The following C1QTNF3 variants were observed in gnomAD, a reference collection of about 807,000 sequenced individuals.
The protein encoded by C1QTNF3 is C1q and TNF related 3.
Under a neutral mutation model 32.6 loss-of-function variants are expected in C1QTNF3, and 26 were observed. That is an observed-to-expected ratio of 0.80 (90% CI 0.58 to 1.11). The LOEUF (loss-of-function observed/expected upper bound fraction) is 1.11, where lower values mean the gene tolerates loss of function less well. Among genes scored for constraint, C1QTNF3 ranks in the 50% least tolerant of loss-of-function variants. C1QTNF3 has a pLI of 0.00. For synonymous variants in C1QTNF3, 155 were observed against 146.0 expected (o/e 1.06, Z -0.44); for missense variants, 362 against 398.2 (o/e 0.91, Z 0.77).
chr5:34,133,876 C>T, the C1QTNF3 span, among the ~76,000 whole-genome samples: 1 of 152,140 alleles, frequency 6.6e-6, no homozygotes, highest in Admixed American at 6.6e-5. Flanking sequence ...GTTCGTTTCA[C>T]GAAAGCAGAA....
At chr5:34,052,322 T>TA in the C1QTNF3 span, among the ~76,000 whole-genome samples, 1 of 152,184 alleles carries the variant, frequency 6.6e-6, no homozygotes, top group Non-Finnish European at 1.5e-5. Context: ...CTTTCCAAAT[T>TA]AAAATTTATA....
chr5:34,194,647 C>T, the C1QTNF3 span, among the ~76,000 whole-genome samples: 17 of 152,228 alleles, frequency 1.1e-4, no homozygotes, highest in Non-Finnish European at 2.1e-4. Context: ...CTTACCACCA[C>T]CTATTACATA....
At chr5:34,202,797 T>G in the C1QTNF3 span, among the ~76,000 whole-genome samples, 4 of 152,138 alleles carry the variant, frequency 2.6e-5, no homozygotes, top group African/African-American at 9.7e-5. Flanking sequence ...GTCATACAGT[T>G]TTTTGTTTTT....
At chr5:34,169,401 T>C in the C1QTNF3 span, among the ~76,000 whole-genome samples, 5 of 152,010 alleles carry the variant, frequency 3.3e-5, no homozygotes, top group African/African-American at 4.8e-5. Flanking sequence ...TGTTGGCCAT[T>C]TGTATATCTT....
At chr5:34,148,173 G>A in the C1QTNF3 span, among the ~76,000 whole-genome samples, 1 of 148,694 alleles carries the variant, frequency 6.7e-6, no homozygotes, top group South Asian at 2.2e-4. Flanking sequence ...CGCACCACGA[G>A]ACTATATCCC....
chr5:34,143,397 C>T, the C1QTNF3 span, among the ~76,000 whole-genome samples: 13 of 152,156 alleles, frequency 8.5e-5, no homozygotes, highest in Admixed American at 2.6e-4. Context: ...ATCTTGCTAG[C>T]GAAATTGACT....
At chr5:34,146,632 G>A in the C1QTNF3 span, among the ~76,000 whole-genome samples, 1 of 152,094 alleles carries the variant, frequency 6.6e-6, no homozygotes, top group Non-Finnish European at 1.5e-5. Context: ...GAATGAATCT[G>A]GACCCCTAAC....
the C1QTNF3 span, among the ~76,000 whole-genome samples, chr5:34,102,206 T>A: frequency 6.6e-5 from 10 of 152,284 alleles, no homozygotes; most frequent in African/African-American, 2.4e-4. Context: ...CCTTTTTAAA[T>A]ACGCCATTGT....
the C1QTNF3 span, among the ~76,000 whole-genome samples, chr5:34,237,279 G>GT: frequency 1.3e-5 from 2 of 152,082 alleles, no homozygotes; most frequent in African/African-American, 4.8e-5. Flanking sequence ...ATTTTCACAC[G>GT]TAACACCCTC....
At chr5:34,037,436 T>C (rs190926885) in intron 1 of C1QTNF3, among the ~76,000 whole-genome samples, 2 of 152,376 alleles carry the variant, frequency 1.3e-5, no homozygotes, top group East Asian at 3.9e-4. Context: ...TTCACACAGT[T>C]AAACACTTAG....
chr5:34,225,595 C>T, the C1QTNF3 span, among the ~76,000 whole-genome samples: 11 of 151,932 alleles, frequency 7.2e-5, no homozygotes, highest in African/African-American at 2.4e-4. Context: ...CCCCTCTGTA[C>T]CTCTGAGTGC....
the C1QTNF3 span, among the ~76,000 whole-genome samples, chr5:34,143,702 A>G: frequency 6.6e-6 from 1 of 152,338 alleles, no homozygotes; most frequent in East Asian, 1.9e-4. Context: ...ATCAATGAAG[A>G]AATAAAATTC....
intron 3 of C1QTNF3, chr5:34,033,024 G>A: frequency 2.9e-6 from 1 of 339,468 alleles, no homozygotes; most frequent in Non-Finnish European, 5.3e-6. Flanking sequence ...GGGAAAATAG[G>A]AGATAAGTTT....
chr5:34,110,963 T>C, the C1QTNF3 span, among the ~76,000 whole-genome samples: 5 of 152,178 alleles, frequency 3.3e-5, no homozygotes, highest in African/African-American at 1.2e-4. Flanking sequence ...TCTAACTGCA[T>C]ACAGCTATTT....
At chr5:34,106,326 T>C in the C1QTNF3 span, 1 of 152,014 alleles carries the variant, frequency 6.6e-6, no homozygotes, top group Non-Finnish European at 1.5e-5. Context: ...ATGTTAACAT[T>C]TTATTTAAGT....
chr5:34,032,378 A>C (rs1053409744), intron 3 of C1QTNF3, among the ~76,000 whole-genome samples: 3 of 152,218 alleles, frequency 2.0e-5, no homozygotes, highest in Non-Finnish European at 4.4e-5. Flanking sequence ...TAACCTCATA[A>C]ATTGATTTTT....
the C1QTNF3 span, among the ~76,000 whole-genome samples, chr5:34,052,411 A>G: frequency 6.6e-6 from 1 of 152,142 alleles, no homozygotes; most frequent in African/African-American, 2.4e-5. Context: ...TTTTCTTACT[A>G]CTGTACTTTT....
At chr5:34,195,952 C>T in the C1QTNF3 span, among the ~76,000 whole-genome samples, 2 of 152,294 alleles carry the variant, frequency 1.3e-5, no homozygotes, top group African/African-American at 2.4e-5. Flanking sequence ...AGAATAGAGC[C>T]CCTGTGGTGG....
At chr5:34,035,014 T>C (rs374555103) in intron 2 of C1QTNF3, among the ~76,000 whole-genome samples, 14 of 152,250 alleles carry the variant, frequency 9.2e-5, no homozygotes, top group Admixed American at 5.2e-4. Context: ...AACCTGAGGA[T>C]GAAGACAATA....
Sources: allele counts gnomAD v4.1 joint callset (sites outside exome capture counted in the v4.1 genomes callset), GRCh38; gene constraint gnomAD v4.1.1; transcripts MANE v1.5; gene names NCBI Gene and HGNC (gene_info 2026-07-23, HGNC 2026-07-21).